DOCK1: variants seen among roughly 807,000 people sequenced by gnomAD.
DOCK1 encodes dedicator of cytokinesis protein 1.
In DOCK1, 138 loss-of-function variants were observed where a neutral mutation model predicts 262.7. The ratio of observed to expected loss-of-function variants is 0.53; its 90% CI spans 0.46 to 0.61. The LOEUF (loss-of-function observed/expected upper bound fraction) is 0.61. Ranked by LOEUF, DOCK1 falls within the 20% of genes least tolerant of loss-of-function variation. The pLI is 0.00. For missense variants in DOCK1, 1,908 were observed against 2,370.7 expected, an observed-to-expected ratio of 0.80 and a Z score of 4.05; for synonymous variants, 866 against 867.4, an observed-to-expected ratio of 1.00 and a Z score of 0.03.
At chr10:127,335,132 T>C (rs929004411) in intron 29 of DOCK1, among the ~76,000 whole-genome samples, 2 of 152,216 alleles carry the variant, frequency 1.3e-5, no homozygotes, top group African/African-American at 4.8e-5. Flanking sequence ...AGTGAGCATA[T>C]ACTGTGTACC....
At chr10:127,354,614 G>A (rs1295600124) in intron 31 of DOCK1, 55 bp from the exon 32 acceptor site, 22 of 1,605,978 alleles carry the variant, frequency 1.4e-5, no homozygotes, top group African/African-American at 9.4e-5. Context: ...ATTCCAGTCC[G>A]ATTTTCAAAT....
intron 6 of DOCK1, among the ~76,000 whole-genome samples, chr10:126,992,798 A>C (rs2039904168): frequency 7.1e-6 from 1 of 140,012 alleles, no homozygotes; most frequent in Non-Finnish European, 1.5e-5. Flanking sequence ...AGACACACAC[A>C]CACACACAGT....
Position 126,972,787 on chromosome 10 carries a change from C to T in DOCK1, c.130+2002C>T, listed in dbSNP as rs566905868. ...CCCATCTGATGCATGCTGTACCTTC[C>T]CTAAAAAAGTCCTGTCTGAAAAAAA... is the stretch of plus-strand genomic sequence containing the variant. On this transcript the variant is annotated intron_variant, in intron 2 of 51. Coordinates refer to ENST00000623213, the MANE Select transcript of DOCK1 (RefSeq NM_001290223.2). 1.1e-3 allele frequency among the ~76,000 whole-genome samples: 163 copies of T among 151,980 alleles called. 4 individuals carry two copies. The highest frequency in any genetic ancestry group is 0.01 in the Middle Eastern group (3 of 292).
At chr10:126,927,445 T>C (rs577011593) in intron 1 of DOCK1, among the ~76,000 whole-genome samples, 20 of 151,766 alleles carry the variant, frequency 1.3e-4, no homozygotes, top group Non-Finnish European at 2.8e-4. Context: ...ACTGTCTCAT[T>C]CTTTTTTTTT....
intron 27 of DOCK1, among the ~76,000 whole-genome samples, chr10:127,221,964 T>G (rs1160553704): frequency 1.3e-5 from 2 of 152,244 alleles, no homozygotes; most frequent in Non-Finnish European, 2.9e-5. Flanking sequence ...GTAGAGACAT[T>G]AGCCTCACTC....
chr10:127,415,452 T>A (rs369351509), intron 44 of DOCK1, among the ~76,000 whole-genome samples: 26 of 152,308 alleles, frequency 1.7e-4, no homozygotes, highest in South Asian at 8.3e-4. Context: ...CACGACCAAC[T>A]CTAGCTTATC....
At chr10:127,074,341 A>T (rs1564783386) in intron 23 of DOCK1, among the ~76,000 whole-genome samples, 1 of 152,240 alleles carries the variant, frequency 6.6e-6, no homozygotes, top group East Asian at 1.9e-4. Flanking sequence ...TGGGATGACC[A>T]GACCCCAGTT....
chr10:127,284,980 T>C (rs533513210), intron 29 of DOCK1, among the ~76,000 whole-genome samples: 3 of 151,638 alleles, frequency 2.0e-5, no homozygotes, highest in Non-Finnish European at 4.4e-5. Context: ...AAAAAAAAAA[T>C]TTAAAAATTA....
intron 8 of DOCK1, 95 bp from the exon 9 acceptor site, chr10:126,999,259 C>T: frequency 1.1e-6 from 1 of 883,744 alleles, no homozygotes; most frequent in Non-Finnish European, 1.8e-6. Context: ...CTGTATAGTG[C>T]ACGTACATGG....
intron 33 of DOCK1, among the ~76,000 whole-genome samples, chr10:127,366,931 G>A (rs1221884764): frequency 6.6e-6 from 1 of 152,170 alleles, no homozygotes; most frequent in Non-Finnish European, 1.5e-5. Flanking sequence ...CAACACTTTA[G>A]TGTTTTGAAC....
At chr10:126,925,903 G>A (rs1221858249) in intron 1 of DOCK1, among the ~76,000 whole-genome samples, 2 of 117,816 alleles carry the variant, frequency 1.7e-5, no homozygotes, top group East Asian at 4.7e-4. Flanking sequence ...GTTGGAGTGG[G>A]ATGGGTTGAG....
At chr10:127,027,848 G>A (rs1464414093) in intron 16 of DOCK1, among the ~76,000 whole-genome samples, 1 of 152,084 alleles carries the variant, frequency 6.6e-6, no homozygotes. Flanking sequence ...GCACGAGCAC[G>A]GTCATGATGT....
intron 29 of DOCK1, among the ~76,000 whole-genome samples, chr10:127,302,594 A>T (rs1232300096): frequency 1.3e-5 from 2 of 152,212 alleles, no homozygotes; most frequent in Non-Finnish European, 2.9e-5. Flanking sequence ...TAGCTCAGGA[A>T]GTAGAGTGCT....
chr10:127,138,152 C>G, intron 27 of DOCK1: 1 of 763,312 alleles, frequency 1.3e-6, no homozygotes, highest in Non-Finnish European at 2.1e-6. Flanking sequence ...AATAGCAATT[C>G]GATATACTAT....
intron 27 of DOCK1, among the ~76,000 whole-genome samples, chr10:127,198,267 C>T (rs1220614391): frequency 6.6e-6 from 1 of 152,236 alleles, no homozygotes; most frequent in Non-Finnish European, 1.5e-5. Flanking sequence ...TGGGGATGTG[C>T]TGTTGCAGCT....
chr10:126,911,951 A>G (rs2031833585), intron 1 of DOCK1, among the ~76,000 whole-genome samples: 1 of 152,204 alleles, frequency 6.6e-6, no homozygotes, highest in African/African-American at 2.4e-5. Flanking sequence ...ACAAAGGACC[A>G]CAAGACAGGG....
intron 27 of DOCK1, among the ~76,000 whole-genome samples, chr10:127,224,760 T>C (rs1369590178): frequency 6.6e-6 from 1 of 151,804 alleles, no homozygotes; most frequent in African/African-American, 2.4e-5. Context: ...TTCATATGTA[T>C]CTATATATTA....
chr10:127,272,091 G>C (rs1184047650), intron 29 of DOCK1: 1 of 152,202 alleles, frequency 6.6e-6, no homozygotes, highest in Non-Finnish European at 1.5e-5. Context: ...CTGTTTTGTG[G>C]TCAACCTTTC....
Position 127,298,206 on chromosome 10 carries a change from A to G in DOCK1, c.3044+40777A>G, listed in dbSNP as rs921442745. On this transcript the variant is annotated intron_variant, in intron 29 of 51. Transcript: ENST00000623213. ...TGTAACCTTAAATCCTTAATGTCCA[A>G]ACAAATAATATCTATATGCTAATTA... Among the ~76,000 whole-genome samples, 13 of 152,172 alleles carry G rather than the reference A, an allele frequency of 8.5e-5. No homozygotes were observed. In the East Asian group the frequency reaches 2.3e-3, roughly 27 times the overall value.
Sources: gnomAD v4.1 joint callset for allele counts (sites outside exome capture counted in the v4.1 genomes callset) on GRCh38, gnomAD v4.1.1 for gene constraint, MANE v1.5 for transcripts, NCBI Gene and HGNC (gene_info 2026-07-23, HGNC 2026-07-21) for gene names.